Variants in ZNF428 observed in about 807,000 individuals in gnomAD.
ZNF428 encodes the protein enzyme-like protein PIT13.
ZNF428 carries 5 observed loss-of-function variants against 15.6 expected under a neutral mutation model. The ratio of observed to expected loss-of-function variants is 0.32; its 90% CI spans 0.17 to 0.67. The LOEUF (loss-of-function observed/expected upper bound fraction) is 0.67, where lower values mean the gene tolerates loss of function less well. Among genes scored for constraint, ZNF428 ranks in the 30% least tolerant of loss-of-function variants. The pLI, the probability that ZNF428 is intolerant of heterozygous loss-of-function variation, is 0.73. For missense variants in ZNF428, 237 were observed against 256.0 expected (o/e 0.93, Z 0.51); for synonymous variants, 97 against 102.2 (o/e 0.95, Z 0.31).
chr19:43,609,655 T>C (rs1225915802), intron 2 of ZNF428, among the ~76,000 whole-genome samples: 2 of 151,732 alleles, frequency 1.3e-5, no homozygotes, highest in East Asian at 3.9e-4. Context: ...GGCAGGAGAA[T>C]TGCTCGAACC....
chr19:43,614,232 G>A lies in ZNF428; in HGVS notation c.73C>T (p.Pro25Ser). The part of the protein sequence containing the change: ...SLEEDDEDLS[P>S]GPEHSSDSEY... The stretch of plus-strand genomic sequence containing the variant: ...ACCACCTCTAAGGCCACCTTACCTG[G>A]GGAAAGGTCTTCATCATCTTCTTCC... Residue 25 changes from proline to serine, a missense_variant, in exon 2 of 3, where the codon CCA (proline) becomes TCA (serine). Pro to Ser is a moderately conservative substitution (Grantham distance 74). Coordinates refer to ENST00000300811, the MANE Select transcript of ZNF428 (RefSeq NM_182498.4). 6.2e-7 allele frequency: 1 copy of A among 1,614,206 alleles called. No homozygotes were observed. Among genetic ancestry groups the A allele is most frequent in the Non-Finnish European group, 8.5e-7 (1 of 1,180,028 alleles).
At chr19:43,613,052 C>G in intron 2 of ZNF428, 1 of 1,551,590 alleles carries the variant, frequency 6.4e-7, no homozygotes, top group Non-Finnish European at 8.7e-7. Flanking sequence ...GAAGAGAAAC[C>G]ATAGCAGGGC....
In ZNF428 at chr19:43,614,270, C is replaced by A; in HGVS notation, c.35G>T (p.Gly12Val). 6.2e-7 allele frequency: 1 copy of A among 1,612,924 alleles called. No homozygotes were observed. Among genetic ancestry groups the A allele is most frequent in the Non-Finnish European group, 8.5e-7 (1 of 1,179,294 alleles). Residue 12 changes from glycine (G) to valine (V), a missense_variant, in exon 2 of 3, where the codon GGC becomes GTC. Physicochemically the swap from Gly to Val is moderately radical, Grantham distance 109. Coordinates refer to ENST00000300811, the MANE Select transcript of ZNF428 (RefSeq NM_182498.4). Reference protein sequence around the residue: ...TETREPAETGGYASLEEDDED... With the variant: ...TETREPAETGVYASLEEDDED... ...ATCATCTTCTTCCAAGCTGGCGTAG[C>A]CCCCAGTCTCAGCTGGCTCACGGGT...
intron 2 of ZNF428, among the ~76,000 whole-genome samples, chr19:43,609,368 G>GAGAGAGAGAA (rs1973272458): frequency 1.3e-5 from 2 of 151,916 alleles, no homozygotes; most frequent in African/African-American, 4.8e-5. Flanking sequence ...TGGAGAGAGA[G>GAGAGAGAGAA]AGAGAGAGAG....
At chr19:43,617,318 G>T (rs1346009158) in intron 1 of ZNF428, among the ~76,000 whole-genome samples, 1 of 151,880 alleles carries the variant, frequency 6.6e-6, no homozygotes, top group Non-Finnish European at 1.5e-5. Flanking sequence ...TGACAGTAGA[G>T]AACCAAGCAG....
chr19:43,615,707 T>A (rs932112455), intron 1 of ZNF428, among the ~76,000 whole-genome samples: 2 of 151,606 alleles, frequency 1.3e-5, no homozygotes, highest in South Asian at 2.1e-4. Context: ...AAAAAAAAAA[T>A]TTTTGCTGGA....
intron 1 of ZNF428, among the ~76,000 whole-genome samples, chr19:43,615,816 A>C (rs1464210418): frequency 6.6e-6 from 1 of 152,180 alleles, no homozygotes; most frequent in African/African-American, 2.4e-5. Context: ...AGGGCAAGGT[A>C]TAAGGGAAGG....
intron 2 of ZNF428, among the ~76,000 whole-genome samples, chr19:43,610,606 A>G (rs1485111215): frequency 6.6e-6 from 1 of 151,986 alleles, no homozygotes; most frequent in Non-Finnish European, 1.5e-5. Context: ...CTGTGGCCCC[A>G]GCATCTAAAA....
Position 43,613,574 on chromosome 19 carries a change from C to T in ZNF428, c.76+655G>A, listed in dbSNP as rs761924720. ...TAGAAGCCCCAGCAAGGAAAGAGAT[C>T]ACAGCCAACTTGGAAGCCCCAGCAA... is the stretch of plus-strand genomic sequence containing the variant. On this transcript the variant is annotated intron_variant, in intron 2 of 2. Transcript: ENST00000300811. The T allele has an allele frequency of 1.2e-5, 18 of 1,551,556 alleles. No individual in the cohort carries two copies. The highest frequency in any genetic ancestry group is 4.9e-5 in the East Asian group (2 of 40,884).
rs1332443968 is a variant in ZNF428, at chr19:43,611,799, C to G, written c.76+2430G>C. On this transcript the variant is annotated intron_variant, in intron 2 of 2. Coordinates refer to ENST00000300811, the MANE Select transcript of ZNF428 (RefSeq NM_182498.4). The stretch of plus-strand genomic sequence containing the variant: ...CCACTCTGGGCAGTGGCCCCCCTCC[C>G]CACCCACTGACTATGGGCTCCTTGA... Among the ~76,000 whole-genome samples, 5 of 152,334 alleles carry G rather than the reference C, an allele frequency of 3.3e-5. No homozygotes were observed. In the Middle Eastern group the frequency reaches 0.014, roughly 415 times the overall value.
chr19:43,614,333 C>G lies in ZNF428; in HGVS notation c.-29G>C, dbSNP rs1166485890. 6.3e-7 allele frequency: 1 copy of G among 1,575,152 alleles called. No individual in the cohort carries two copies. Among genetic ancestry groups the G allele is most frequent in the Admixed American group, 1.8e-5 (1 of 54,216 alleles). On this transcript the variant is annotated 5_prime_UTR_variant, in exon 2 of 3. Coordinates refer to ENST00000300811, the MANE Select transcript of ZNF428 (RefSeq NM_182498.4). The stretch of plus-strand genomic sequence containing the variant: ...CGGGGGAGGGGACAGGAGACAGGAG[C>G]AGAGCAGCAGCTGAGCAGCGTCCCT...
chr19:43,609,059 C>T (rs990448704), intron 2 of ZNF428, among the ~76,000 whole-genome samples: 2 of 152,066 alleles, frequency 1.3e-5, no homozygotes, highest in African/African-American at 4.8e-5. Context: ...AGTAAAAACC[C>T]ACCAGTAACA....
chr19:43,614,703 A>G (rs1321539530), intron 1 of ZNF428, among the ~76,000 whole-genome samples: 1 of 151,940 alleles, frequency 6.6e-6, no homozygotes, highest in Non-Finnish European at 1.5e-5. Flanking sequence ...GGCTCAAGCA[A>G]TTCTCCTACC....
intron 1 of ZNF428, among the ~76,000 whole-genome samples, chr19:43,617,105 C>T (rs1304653847): frequency 1.3e-5 from 2 of 151,992 alleles, no homozygotes; most frequent in African/African-American, 4.8e-5. Context: ...CCTCCTTCCC[C>T]CTTTTTGGCC....
rs777515492 is a variant in ZNF428 at position 43,607,665 on chromosome 19, C to G, written c.519G>C (p.Leu173=). Reference sequence around the variant, plus strand: ...GCATGAAGTGCCCGTGCAGCTCCCCCAGGTTGTCGAAGGAATCCTCACATT... The same window carrying G: ...GCATGAAGTGCCCGTGCAGCTCCCCGAGGTTGTCGAAGGAATCCTCACATT... ...CTECEDSFDN[L]GELHGHFMLH... The change falls in exon 3 of 3, where the codon CTG becomes CTC. Residue 173 remains leucine, a synonymous_variant. Transcript: ENST00000300811. The surrounding 1 kb of genome is among the most constrained non-coding windows in gnomAD (Gnocchi z 5.1). 1 of 1,610,248 alleles carries G rather than the reference C, an allele frequency of 6.2e-7. No individual in the cohort carries two copies. The highest frequency in any genetic ancestry group is 2.2e-5 in the East Asian group (1 of 44,820).
intron 1 of ZNF428, 21 bp from the exon 2 acceptor site, chr19:43,614,455 G>T: frequency 7.0e-7 from 1 of 1,435,078 alleles, no homozygotes; most frequent in East Asian, 2.5e-5. Flanking sequence ...GGAAAGGAAA[G>T]ACCTGTGATG....
chr19:43,618,019 GC>G, intron 1 of ZNF428, among the ~76,000 whole-genome samples: 1 of 136,906 alleles, frequency 7.3e-6, no homozygotes, highest in African/African-American at 2.8e-5. Flanking sequence ...GTGCCACCAT[GC>G]CCGGCTTTTT....
intron 1 of ZNF428, among the ~76,000 whole-genome samples, chr19:43,617,839 C>T (rs1600090147): frequency 1.3e-5 from 2 of 152,174 alleles, no homozygotes; most frequent in East Asian, 3.9e-4. Context: ...TGAGCTACCA[C>T]ACCTGGCCCT....
In ZNF428 at chr19:43,607,484, T is replaced by C. The variant is rs1198001945; in HGVS notation, c.*133A>G. 2 of 1,180,552 alleles carry C rather than the reference T, an allele frequency of 1.7e-6. No individual in the cohort carries two copies. Among genetic ancestry groups the C allele is most frequent in the African/African-American group, 1.5e-5 (1 of 64,582 alleles). 73.1% of individuals were successfully genotyped at this position (1,180,552 alleles called of 1,614,324 possible). ...CAGATTTTGGCTTTTATTCTGGCCATCACACATCTACTTCTAAGACAACAC... is the reference window on the plus strand; with the variant it reads ...CAGATTTTGGCTTTTATTCTGGCCACCACACATCTACTTCTAAGACAACAC... On this transcript the variant is annotated 3_prime_UTR_variant, in exon 3 of 3. Coordinates refer to ENST00000300811, the MANE Select transcript of ZNF428 (RefSeq NM_182498.4). This position sits in a 1 kb window ranked among gnomAD's most constrained non-coding sequence, Gnocchi z 5.1.
Sources: allele counts gnomAD v4.1 joint callset (sites outside exome capture counted in the v4.1 genomes callset), GRCh38; gene constraint gnomAD v4.1.1; non-coding constraint Gnocchi (gnomAD v3.1); transcripts MANE v1.5; gene names NCBI Gene and HGNC (gene_info 2026-07-23, HGNC 2026-07-21).